The following INTS7 variants were observed in gnomAD, a reference collection of about 807,000 sequenced individuals.
The protein encoded by INTS7 is chromosome 1 open reading frame 73.
Under a neutral mutation model 109.2 loss-of-function variants are expected in INTS7, and 46 were observed. That is an observed-to-expected ratio of 0.42 (90% CI 0.33 to 0.54). INTS7 has a LOEUF of 0.54. Ranked by LOEUF, INTS7 falls within the 20% of genes least tolerant of loss-of-function variation. The probability of loss-of-function intolerance (pLI) is 0.07; values close to 1 mark genes in which losing one functional copy is unlikely to be tolerated. For synonymous variants in INTS7, 412 were observed against 402.9 expected (o/e 1.02, Z -0.27); for missense variants, 929 against 1,132.4 (o/e 0.82, Z 2.58).
intron 1 of INTS7, among the ~76,000 whole-genome samples, chr1:212,034,141 C>T (rs1030159951): frequency 1.3e-5 from 2 of 151,690 alleles, no homozygotes; most frequent in African/African-American, 4.8e-5. Flanking sequence ...AGGAGAAAAC[C>T]CCTAAAGATT....
intron 4 of INTS7, 24 bp downstream of exon 4, chr1:212,016,862 A>C: frequency 1.3e-6 from 2 of 1,571,122 alleles, no homozygotes; most frequent in Non-Finnish European, 1.7e-6. Context: ...AATTACTAAA[A>C]GGGATGTACT....
In INTS7 at chr1:212,019,980, T is replaced by C. The variant is rs544963246; in HGVS notation, c.371+142A>G. The C allele has an allele frequency of 6.2e-5, 33 of 530,528 alleles. 1 individual carries two copies. Among genetic ancestry groups the C allele is most frequent in the Non-Finnish European group, 9.2e-5 (29 of 314,174 alleles). 32.9% of individuals were successfully genotyped at this position (530,528 alleles called of 1,614,324 possible). On this transcript the variant is annotated intron_variant, in intron 3 of 19. Coordinates refer to ENST00000366994, the MANE Select transcript of INTS7 (RefSeq NM_015434.4). The stretch of plus-strand genomic sequence containing the variant: ...AAGCATTTGCAGACTGGGATAGTTA[T>C]CACAGTTTTGCCTTGACTCTTAGTC...
At position 211,941,757 on chromosome 1, in the gene INTS7, G is replaced by A; in HGVS notation, c.*67C>T. ...TGTAACTTTAATACTTATTCCATAT[G>A]AAAAACCAAACTGTTTCTGGCAATT... On this transcript the variant is annotated 3_prime_UTR_variant, in exon 20 of 20. Transcript: ENST00000366994. 2 of 1,554,380 alleles carry A rather than the reference G, an allele frequency of 1.3e-6. No homozygotes were observed. Among genetic ancestry groups the A allele is most frequent in the African/African-American group, 2.7e-5 (2 of 73,204 alleles).
chr1:211,989,397 A>T (rs550070746), intron 7 of INTS7, among the ~76,000 whole-genome samples: 1 of 152,132 alleles, frequency 6.6e-6, no homozygotes, highest in East Asian at 1.9e-4. Flanking sequence ...TTTTATGGCA[A>T]ATAAAAAACC....
At chr1:212,033,808 G>A (rs1363766324) in intron 1 of INTS7, among the ~76,000 whole-genome samples, 7 of 152,140 alleles carry the variant, frequency 4.6e-5, no homozygotes, top group African/African-American at 1.7e-4. Context: ...AAGGCCGGGC[G>A]CGGTGGCTCA....
intron 19 of INTS7, among the ~76,000 whole-genome samples, chr1:211,943,144 C>A (rs932500524): frequency 1.3e-5 from 2 of 152,034 alleles, no homozygotes; most frequent in Non-Finnish European, 2.9e-5. Context: ...AACCAAAGAA[C>A]TTCCTTAAAA....
chr1:212,014,886 C>T (rs1052678039), intron 4 of INTS7, among the ~76,000 whole-genome samples: 13 of 152,326 alleles, frequency 8.5e-5, no homozygotes, highest in African/African-American at 2.6e-4. Context: ...GTGATCTCCG[C>T]TCGCTATAAC....
chr1:211,997,528 GAAAAAAAA>G (rs71137714), intron 7 of INTS7, among the ~76,000 whole-genome samples: 3,477 of 58,990 alleles, frequency 0.059, 63 homozygotes, highest in African/African-American at 0.12. Flanking sequence ...TCTCCAAACA[GAAAAAAAA>G]AAAAAAAAAA....
At chr1:212,030,540 C>T (rs774531949) in intron 1 of INTS7, among the ~76,000 whole-genome samples, 2 of 152,124 alleles carry the variant, frequency 1.3e-5, no homozygotes, top group Non-Finnish European at 1.5e-5. Flanking sequence ...CCGCCCGCCT[C>T]GGCCTCCCAA....
intron 1 of INTS7, among the ~76,000 whole-genome samples, chr1:212,026,333 G>A (rs1443784131): frequency 1.3e-5 from 2 of 152,144 alleles, no homozygotes; most frequent in Admixed American, 6.5e-5. Flanking sequence ...GAAAATAATA[G>A]CACTATCGGC....
At chr1:211,974,276 A>T (rs12036987) in intron 13 of INTS7, among the ~76,000 whole-genome samples, 59,308 of 84,118 alleles carry the variant, frequency 0.71, 19,208 homozygotes, top group Non-Finnish European at 0.75. Context: ...AGAAAAAAAA[A>T]ATATATATAT....
intron 7 of INTS7, among the ~76,000 whole-genome samples, chr1:211,991,051 G>C (rs997937428): frequency 3.9e-5 from 6 of 152,174 alleles, no homozygotes; most frequent in African/African-American, 1.4e-4. Flanking sequence ...ATGGAGACTA[G>C]TGAATGAGTA....
At chr1:212,011,789 A>G (rs1354180553) in intron 4 of INTS7, among the ~76,000 whole-genome samples, 1 of 152,218 alleles carries the variant, frequency 6.6e-6, no homozygotes, top group Non-Finnish European at 1.5e-5. Context: ...AACATGGTGG[A>G]TATTCAGTAA....
intron 17 of INTS7, 78 bp downstream of exon 17, chr1:211,952,491 C>T (rs1571842661): frequency 1.4e-6 from 2 of 1,438,734 alleles, no homozygotes; most frequent in East Asian, 2.3e-5. Context: ...ATTTGTTGAA[C>T]TCACACAGTA....
intron 4 of INTS7, among the ~76,000 whole-genome samples, chr1:212,012,302 T>G (rs1307740566): frequency 6.6e-6 from 1 of 152,076 alleles, no homozygotes; most frequent in Admixed American, 6.5e-5. Context: ...TTAAATAAAT[T>G]CTAAAGGTCT....
chr1:211,952,245 T>C (rs963743514), intron 17 of INTS7, among the ~76,000 whole-genome samples: 1 of 152,210 alleles, frequency 6.6e-6, no homozygotes, highest in Non-Finnish European at 1.5e-5. Flanking sequence ...GCCCTCAAAG[T>C]GATTCTAATG....
intron 16 of INTS7, among the ~76,000 whole-genome samples, chr1:211,960,081 T>G (rs904116601): frequency 1.3e-5 from 2 of 152,158 alleles, no homozygotes; most frequent in Non-Finnish European, 2.9e-5. Flanking sequence ...CCAGTGGCCC[T>G]GGAGCACCTT....
At position 212,029,632 on chromosome 1, in the gene INTS7, A is replaced by AT. The variant is rs577191006; in HGVS notation, c.94+5711dup. Among the ~76,000 whole-genome samples, 55 of 152,370 alleles carry AT rather than the reference A, an allele frequency of 3.6e-4. 2 individuals are homozygous for AT. The South Asian group carries it at 0.011, about 30-fold the overall frequency. On this transcript the variant is annotated intron_variant, in intron 1 of 19. Transcript: ENST00000366994. ...AGCATAAAAAGAGTGTTCAAAATATATTAAGCAACCATCAACATAACTAAC... is the reference window on the plus strand; with the variant it reads ...AGCATAAAAAGAGTGTTCAAAATATATTTAAGCAACCATCAACATAACTAAC...
intron 7 of INTS7, among the ~76,000 whole-genome samples, chr1:211,996,447 AT>A (rs1293250565): frequency 1.3e-5 from 2 of 152,126 alleles, no homozygotes; most frequent in Non-Finnish European, 2.9e-5. Context: ...CAAAAAAAAA[AT>A]GTCTTCTTTT....
Sources: gnomAD v4.1 joint callset for allele counts (sites outside exome capture counted in the v4.1 genomes callset) on GRCh38, gnomAD v4.1.1 for gene constraint, MANE v1.5 for transcripts, NCBI Gene and HGNC (gene_info 2026-07-23, HGNC 2026-07-21) for gene names.